The following PRKCE variants were observed in gnomAD, a reference collection of about 807,000 sequenced individuals.
PRKCE encodes protein kinase C epsilon type.
In PRKCE, 16 loss-of-function variants were observed where a neutral mutation model predicts 85.4. The ratio of observed to expected loss-of-function variants is 0.19; its 90% confidence interval spans 0.13 to 0.28. PRKCE has a LOEUF of 0.28. Ranked by LOEUF, PRKCE falls within the 10% of genes least tolerant of loss-of-function variation. PRKCE has a pLI of 1.00. For synonymous variants in PRKCE, 388 were observed against 371.5 expected (o/e 1.04, Z -0.51); for missense variants, 573 against 975.2 (o/e 0.59, Z 5.49).
chr2:45,876,396 C>T (rs1573710000), intron 2 of PRKCE, among the ~76,000 whole-genome samples: 1 of 152,210 alleles, frequency 6.6e-6, no homozygotes, highest in Non-Finnish European at 1.5e-5. Context: ...TCCCAATGAT[C>T]CCAAATGTTC....
chr2:45,734,552 A>G (rs558266971), intron 1 of PRKCE, among the ~76,000 whole-genome samples: 1 of 152,314 alleles, frequency 6.6e-6, no homozygotes, highest in Non-Finnish European at 1.5e-5. Flanking sequence ...GCTTGATGGT[A>G]TGACTGGGAA....
rs186644204 is a variant in PRKCE, at chr2:45,846,968, T to A, written c.412+3905T>A. Among the ~76,000 whole-genome samples, 5 of 152,300 alleles carry A rather than the reference T, an allele frequency of 3.3e-5. No homozygotes were observed. The East Asian group carries it at 9.6e-4, about 29-fold the overall frequency. The stretch of plus-strand genomic sequence containing the variant: ...CTTGAAGAAGCATCTGGCAGGCTAT[T>A]CAGGGAAACTGTTCAAGGACAGGTT... On this transcript the variant is annotated intron_variant, in intron 2 of 14. Coordinates refer to ENST00000306156, the MANE Select transcript of PRKCE (RefSeq NM_005400.3).
intron 1 of PRKCE, among the ~76,000 whole-genome samples, chr2:45,836,074 C>T (rs562050261): frequency 1.3e-5 from 2 of 152,156 alleles, no homozygotes; most frequent in East Asian, 1.9e-4. Flanking sequence ...CACAACTCAG[C>T]GTACAGATCC....
intron 6 of PRKCE, among the ~76,000 whole-genome samples, chr2:45,993,858 T>A (rs1704010514): frequency 6.6e-6 from 1 of 152,166 alleles, no homozygotes; most frequent in Admixed American, 6.5e-5. Flanking sequence ...ATAACTCCAT[T>A]AGTCAAGTCG....
chr2:46,186,787 C>T lies in PRKCE; in HGVS notation c.*1906C>T, dbSNP rs1351378745. ...TTGAGCCCATTAGAGAGTCTGTGTC[C>T]ATATTTGCATCTGGCTGGTCATAGC... On this transcript the variant is annotated 3_prime_UTR_variant, in exon 15 of 15. Coordinates refer to ENST00000306156, the MANE Select transcript of PRKCE (RefSeq NM_005400.3). The T allele has an allele frequency of 1.3e-5, 2 of 152,128 alleles. No individual in the cohort carries two copies. Among genetic ancestry groups the T allele is most frequent in the Admixed American group, 6.6e-5 (1 of 15,226 alleles). 9.4% of individuals were successfully genotyped at this position (152,128 alleles called of 1,614,324 possible).
intron 1 of PRKCE, chr2:45,677,952 T>A (rs1193430277): frequency 7.7e-6 from 7 of 910,852 alleles, no homozygotes; most frequent in Non-Finnish European, 9.2e-6. Flanking sequence ...TGCCCTTTTG[T>A]CTGCCACTGT....
intron 2 of PRKCE, among the ~76,000 whole-genome samples, chr2:45,850,140 C>T (rs551469658): frequency 6.6e-6 from 1 of 152,348 alleles, no homozygotes; most frequent in East Asian, 1.9e-4. Flanking sequence ...AGAAACAGAA[C>T]TGAATCTTGA....
intron 12 of PRKCE, among the ~76,000 whole-genome samples, chr2:46,149,986 AG>A (rs1301348564): frequency 6.6e-6 from 1 of 151,934 alleles, no homozygotes; most frequent in Non-Finnish European, 1.5e-5. Flanking sequence ...CCTTCTGAGA[AG>A]GTGAGACTAC....
At chr2:46,007,406 T>G in intron 8 of PRKCE, 56 bp from the exon 9 acceptor site, 1 of 1,560,230 alleles carries the variant, frequency 6.4e-7, no homozygotes, top group Non-Finnish European at 8.7e-7. Context: ...TGAGTCCTAA[T>G]GTAACAGGCT....
intron 6 of PRKCE, among the ~76,000 whole-genome samples, chr2:45,994,440 C>T (rs1468315908): frequency 2.6e-5 from 4 of 152,206 alleles, no homozygotes; most frequent in Non-Finnish European, 5.9e-5. Context: ...TGTTCTGCTT[C>T]TTCATCCCTC....
At chr2:46,070,642 CA>C (rs5830886) in intron 10 of PRKCE, among the ~76,000 whole-genome samples, 2 of 147,814 alleles carry the variant, frequency 1.4e-5, no homozygotes, top group Admixed American at 6.7e-5. Flanking sequence ...GACTCCGTCT[CA>C]AAAAAAAAAC....
At chr2:45,992,955 C>T (rs370576602) in intron 6 of PRKCE, among the ~76,000 whole-genome samples, 9 of 152,144 alleles carry the variant, frequency 5.9e-5, no homozygotes, top group African/African-American at 1.7e-4. Flanking sequence ...AGTAGAAGAG[C>T]GCTTCTCTTT....
chr2:45,746,498 A>G (rs1683146784), intron 1 of PRKCE, among the ~76,000 whole-genome samples: 1 of 152,192 alleles, frequency 6.6e-6, no homozygotes, highest in Admixed American at 6.5e-5. Flanking sequence ...TTAGGAGTGT[A>G]TCCATTCCCT....
At chr2:45,699,426 G>T (rs762761968) in intron 1 of PRKCE, among the ~76,000 whole-genome samples, 6 of 152,190 alleles carry the variant, frequency 3.9e-5, no homozygotes, top group African/African-American at 7.2e-5. Context: ...GCTCAGTAAA[G>T]GTTGGCTGAG....
intron 10 of PRKCE, among the ~76,000 whole-genome samples, chr2:46,052,918 A>G (rs35234211): frequency 0.33 from 49,890 of 152,128 alleles, 8,626 homozygotes; most frequent in East Asian, 0.37. Flanking sequence ...ATGGTTTTCC[A>G]TAAATGGTAC....
At position 46,144,212 on chromosome 2, in the gene PRKCE, T is replaced by C. The variant is rs3754567; in HGVS notation, c.1593-881T>C. 2.6e-5 allele frequency among the ~76,000 whole-genome samples: 4 copies of C among 152,304 alleles called. No individual in the cohort carries two copies. The East Asian group carries it at 7.7e-4, about 29-fold the overall frequency. On this transcript the variant is annotated intron_variant, in intron 11 of 14. Coordinates refer to ENST00000306156, the MANE Select transcript of PRKCE (RefSeq NM_005400.3). The stretch of plus-strand genomic sequence containing the variant: ...CTCTTGCTTGCTGCACAGAACCACG[T>C]GGGCTCTGTGGGTCCAGGTGATTAT...
At chr2:45,795,211 TCCA>T (rs1203881430) in intron 1 of PRKCE, among the ~76,000 whole-genome samples, 1 of 152,154 alleles carries the variant, frequency 6.6e-6, no homozygotes, top group African/African-American at 2.4e-5. Flanking sequence ...GACCAGACCT[TCCA>T]CCTAGAGCTT....
At chr2:46,092,524 G>C (rs908454919) in intron 11 of PRKCE, among the ~76,000 whole-genome samples, 1 of 152,158 alleles carries the variant, frequency 6.6e-6, no homozygotes, top group East Asian at 1.9e-4. Flanking sequence ...GGCTTTCCTT[G>C]TTGACCATGA....
At chr2:45,790,188 A>C (rs539838188) in intron 1 of PRKCE, among the ~76,000 whole-genome samples, 4 of 152,332 alleles carry the variant, frequency 2.6e-5, no homozygotes, top group African/African-American at 9.6e-5. Flanking sequence ...TGCATAAATG[A>C]GAGCATCCTT....
Sources: gnomAD v4.1 joint callset for allele counts (sites outside exome capture counted in the v4.1 genomes callset) on GRCh38, gnomAD v4.1.1 for gene constraint, MANE v1.5 for transcripts, NCBI Gene and HGNC (gene_info 2026-07-23, HGNC 2026-07-21) for gene names.